Variants in TRPM2 observed in about 807,000 individuals in gnomAD.
TRPM2 encodes the protein transient receptor potential cation channel subfamily M member 2.
Under a neutral mutation model 174.0 loss-of-function variants are expected in TRPM2, and 161 were observed. The ratio of observed to expected loss-of-function variants is 0.93; its 90% CI spans 0.81 to 1.05. The LOEUF (loss-of-function observed/expected upper bound fraction) is 1.05. TRPM2 is among the 50% of genes least tolerant of loss of function. The pLI is 0.00. For missense variants in TRPM2, 2,057 were observed against 2,038.0 expected, an observed-to-expected ratio of 1.01 and a Z score of -0.18; for synonymous variants, 954 against 861.3, an observed-to-expected ratio of 1.11 and a Z score of -1.88.
At chr21:44,357,721 C>T (rs565088389) in intron 2 of TRPM2, among the ~76,000 whole-genome samples, 6 of 152,338 alleles carry the variant, frequency 3.9e-5, no homozygotes, top group Middle Eastern at 6.8e-3. Context: ...ATTGCAGGAA[C>T]AGTCCAGGCC....
intron 2 of TRPM2, among the ~76,000 whole-genome samples, chr21:44,359,759 T>TATA (rs1569012031): frequency 1.5e-4 from 22 of 147,978 alleles, no homozygotes; most frequent in Middle Eastern, 3.6e-3. Flanking sequence ...ATATATATAT[T>TATA]TTTTTTGAGA....
intron 4 of TRPM2, among the ~76,000 whole-genome samples, chr21:44,368,234 C>T (rs2048414702): frequency 6.6e-6 from 1 of 152,050 alleles, no homozygotes; most frequent in Non-Finnish European, 1.5e-5. Context: ...ATACTCCTGC[C>T]TCCGCCTCCT....
chr21:44,419,657 T>TG, intron 22 of TRPM2, among the ~76,000 whole-genome samples: 1 of 67,010 alleles, frequency 1.5e-5, no homozygotes, highest in Non-Finnish European at 3.3e-5. Flanking sequence ...GTGATGGTGG[T>TG]AGTGATGGTG....
At chr21:44,380,861 G>A (rs1187302769) in intron 8 of TRPM2, among the ~76,000 whole-genome samples, 6 of 152,182 alleles carry the variant, frequency 3.9e-5, no homozygotes, top group Admixed American at 1.3e-4. Flanking sequence ...CTCAGACGAG[G>A]AAACGAGGCC....
intron 22 of TRPM2, among the ~76,000 whole-genome samples, chr21:44,421,013 C>T (rs2146359719): frequency 6.6e-6 from 1 of 152,276 alleles, no homozygotes; most frequent in South Asian, 2.1e-4. Flanking sequence ...AGGGAGTGGG[C>T]TGGACCCCAA....
intron 2 of TRPM2, among the ~76,000 whole-genome samples, chr21:44,361,786 C>T (rs1286000635): frequency 6.6e-6 from 1 of 152,170 alleles, no homozygotes; most frequent in Non-Finnish European, 1.5e-5. Flanking sequence ...CGGCTCATTA[C>T]ACCCTCCACC....
intron 29 of TRPM2, among the ~76,000 whole-genome samples, chr21:44,437,500 C>G (rs2051322652): frequency 6.6e-6 from 1 of 152,124 alleles, no homozygotes; most frequent in African/African-American, 2.4e-5. Context: ...AGAGGTAGCT[C>G]TTCTCCCGTG....
intron 30 of TRPM2, among the ~76,000 whole-genome samples, chr21:44,440,305 A>AGCCTGGGGAACAGAAAGAGATTCCGTCT (rs1555907334): frequency 1.5e-4 from 1 of 6,488 alleles, no homozygotes; most frequent in African/African-American, 5.3e-4. Flanking sequence ...CACTGCGCTC[A>AGCCTGGGGAACAGAAAGAGATTCCGTCT]AAAAAAAAAA....
Position 44,358,129 on chromosome 21 carries a change from G to A in TRPM2, c.254+3393G>A, listed in dbSNP as rs576987202. ...ACCTGGAGCCCCTCGACACCCGCCC[G>A]GGTAATCCCACTGCTTAGCCCCACG... On this transcript the variant is annotated intron_variant, in intron 2 of 31. Coordinates refer to ENST00000397928, the MANE Select transcript of TRPM2 (RefSeq NM_003307.4). 1.6e-4 allele frequency among the ~76,000 whole-genome samples: 25 copies of A among 152,284 alleles called. No individual in the cohort carries two copies. In the South Asian group the frequency reaches 4.1e-3, roughly 25 times the overall value.
chr21:44,420,459 G>A (rs2050509461), intron 22 of TRPM2, among the ~76,000 whole-genome samples: 2 of 152,242 alleles, frequency 1.3e-5, no homozygotes, highest in African/African-American at 4.8e-5. Context: ...TTCTGGAACT[G>A]CTGTTAGTTC....
Position 44,391,508 on chromosome 21 carries a change from C to T in TRPM2, c.1677C>T (p.His559=). 6.2e-7 allele frequency: 1 copy of T among 1,609,892 alleles called. No individual in the cohort carries two copies. Among genetic ancestry groups the T allele is most frequent in the Non-Finnish European group, 8.5e-7 (1 of 1,179,162 alleles). Residue 559 remains histidine, a synonymous_variant, in exon 11 of 32, where the codon CAC becomes CAT. Coordinates refer to ENST00000397928, the MANE Select transcript of TRPM2 (RefSeq NM_003307.4). This position sits in a 1 kb window ranked among gnomAD's most constrained non-coding sequence, Gnocchi z 5.0. ...CCGCGGCGCCCCGCCTGCAGATGCA[C>T]CACGTGGCCCAGGTGCTGCGGGAGC... is the stretch of plus-strand genomic sequence containing the variant. ...CAPAAPRLQM[H]HVAQVLRELL... is the part of the protein sequence containing the mutation.
chr21:44,426,741 GTATGAGCCGC>G lies in TRPM2; in HGVS notation c.3872+7_3872+16del, dbSNP rs2050797438. The G allele has an allele frequency of 2.5e-6, 4 of 1,613,728 alleles. No homozygotes were observed. The South Asian group carries it at 3.3e-5, about 13-fold the overall frequency. On this transcript the variant is annotated splice_donor_region_variant and intron_variant, in intron 26 of 31. Transcript: ENST00000397928. The stretch of plus-strand genomic sequence containing the variant: ...CGCCATGGACCCCATGGGAGAGTGA[GTATGAGCCGC>G]TGTCCGTGCTCCCAGCTGGCCCCAA...
Position 44,406,054 on chromosome 21 carries a change from A to G in TRPM2, c.2790+17A>G. On this transcript the variant is annotated intron_variant, in intron 18 of 31. Transcript: ENST00000397928. ...AAGCGGATGGTAAGGGGGCGGGGGC[A>G]CCGGCTCCATCGCGGCCTGCAGCCC... 2 of 1,602,410 alleles carry G rather than the reference A, an allele frequency of 1.2e-6. No individual in the cohort carries two copies. The highest frequency in any genetic ancestry group is 1.7e-4 in the Middle Eastern group (1 of 6,054).
Position 44,385,829 on chromosome 21 carries a change from T to C in TRPM2, c.1318+3009T>C, listed in dbSNP as rs2049002103. Among the ~76,000 whole-genome samples, 3 of 152,146 alleles carry C rather than the reference T, an allele frequency of 2.0e-5. No individual in the cohort carries two copies. In the South Asian group the frequency reaches 6.2e-4, roughly 31 times the overall value. The stretch of plus-strand genomic sequence containing the variant: ...TGCCAAATGAAGAAGGAAGAGCCCC[T>C]TCTAAAACCATCAGATCTCATGAGA... On this transcript the variant is annotated intron_variant, in intron 9 of 31. Transcript: ENST00000397928.
intron 7 of TRPM2, among the ~76,000 whole-genome samples, chr21:44,378,482 C>A (rs550498430): frequency 2.0e-4 from 30 of 152,290 alleles, no homozygotes; most frequent in African/African-American, 7.0e-4. Flanking sequence ...ACTCCCTATG[C>A]GTGCCGAGTA....
chr21:44,405,219 C>T lies in TRPM2; in HGVS notation c.2616C>T (p.Asp872=), dbSNP rs756448610. The change falls in exon 17 of 32, where the codon GAC becomes GAT. Residue 872 remains aspartate (D), a synonymous_variant. Coordinates refer to ENST00000397928, the MANE Select transcript of TRPM2 (RefSeq NM_003307.4). ...LYFSDFWNKL[D]VGAILLFVAG... Reference sequence around the variant, plus strand: ...TCAGTGACTTCTGGAATAAGCTGGACGTCGGCGCAATCTTGCTCTTCGTGG... The same window carrying T: ...TCAGTGACTTCTGGAATAAGCTGGATGTCGGCGCAATCTTGCTCTTCGTGG... 4.6e-5 allele frequency: 74 copies of T among 1,613,286 alleles called. No homozygotes were observed. The highest frequency in any genetic ancestry group is 1.6e-4 in the Middle Eastern group (1 of 6,084).
chr21:44,377,362 C>T (rs1301660952), intron 6 of TRPM2, among the ~76,000 whole-genome samples: 1 of 152,200 alleles, frequency 6.6e-6, no homozygotes, highest in Non-Finnish European at 1.5e-5. Flanking sequence ...GCCCCTCTCC[C>T]TCCCTCCCAA....
chr21:44,400,761 C>T (rs1027434379), intron 15 of TRPM2, among the ~76,000 whole-genome samples: 2 of 152,208 alleles, frequency 1.3e-5, no homozygotes, highest in Non-Finnish European at 1.5e-5. Context: ...TCCCTGTCCT[C>T]GCAGCCGCAG....
chr21:44,395,622 G>C, intron 12 of TRPM2, 71 bp downstream of exon 12: 1 of 1,595,354 alleles, frequency 6.3e-7, no homozygotes, highest in South Asian at 1.1e-5. Flanking sequence ...AGTGTGGCTG[G>C]AGAGAGTGGC....
Sources: allele counts gnomAD v4.1 joint callset (sites outside exome capture counted in the v4.1 genomes callset), GRCh38; gene constraint gnomAD v4.1.1; non-coding constraint Gnocchi (gnomAD v3.1); transcripts MANE v1.5; gene names NCBI Gene and HGNC (gene_info 2026-07-23, HGNC 2026-07-21).